Variants in CFAP95 observed in about 807,000 individuals in gnomAD.
CFAP95 encodes the protein cilia- and flagella-associated protein 95.
chr9:69,822,325 A>T, the CFAP95 span, among the ~76,000 whole-genome samples: 1 of 152,364 alleles, frequency 6.6e-6, no homozygotes, highest in Non-Finnish European at 1.5e-5. Context: ...CGACCCCTGC[A>T]GTTTCTGTCT....
the CFAP95 span, among the ~76,000 whole-genome samples, chr9:69,855,586 T>C: frequency 1.3e-5 from 2 of 152,080 alleles, no homozygotes; most frequent in Non-Finnish European, 2.9e-5. Flanking sequence ...GGGAGGATAG[T>C]CATTCAGGAG....
chr9:69,821,097 C>G, the CFAP95 span: 1 of 1,565,646 alleles, frequency 6.4e-7, no homozygotes. Context: ...AAGGATGGAA[C>G]AGGAAAGGAA....
chr9:69,892,958 T>C, the CFAP95 span, among the ~76,000 whole-genome samples: 1 of 152,220 alleles, frequency 6.6e-6, no homozygotes, highest in African/African-American at 2.4e-5. Context: ...TTTGTTTGTA[T>C]GATCTGATTC....
chr9:69,888,427 G>A, the CFAP95 span, among the ~76,000 whole-genome samples: 1 of 152,126 alleles, frequency 6.6e-6, no homozygotes, highest in African/African-American at 2.4e-5. Flanking sequence ...AGAGAAATGA[G>A]CAAAGGAAAT....
chr9:69,885,171 T>G, the CFAP95 span: 1 of 152,226 alleles, frequency 6.6e-6, no homozygotes, highest in Non-Finnish European at 1.5e-5. Flanking sequence ...GGATTCTTGT[T>G]GGGGTTCTGT....
chr9:69,882,278 C>T, the CFAP95 span, among the ~76,000 whole-genome samples: 1 of 152,062 alleles, frequency 6.6e-6, no homozygotes, highest in African/African-American at 2.4e-5. Flanking sequence ...CCTGATCTGC[C>T]ACTGATTTTT....
the CFAP95 span, among the ~76,000 whole-genome samples, chr9:69,834,145 T>A: frequency 3.3e-5 from 5 of 152,342 alleles, no homozygotes; most frequent in South Asian, 4.1e-4. Context: ...TGTCACTCCA[T>A]GCCAGGTATA....
the CFAP95 span, among the ~76,000 whole-genome samples, chr9:69,839,244 C>G: frequency 7.3e-6 from 1 of 137,678 alleles, no homozygotes; most frequent in South Asian, 2.5e-4. Context: ...TGATGCTGGC[C>G]TCATAAAATG....
At chr9:69,832,849 G>C in the CFAP95 span, among the ~76,000 whole-genome samples, 1 of 151,558 alleles carries the variant, frequency 6.6e-6, no homozygotes, top group Non-Finnish European at 1.5e-5. Flanking sequence ...TCCCTATTTG[G>C]ACTTCTTGTT....
chr9:69,837,719 GA>G, the CFAP95 span, among the ~76,000 whole-genome samples: 1 of 152,178 alleles, frequency 6.6e-6, no homozygotes, highest in African/African-American at 2.4e-5. Flanking sequence ...TTGCTGTGCA[GA>G]AGCTCTTTAG....
the CFAP95 span, chr9:69,905,855 T>C: frequency 1.1e-6 from 1 of 915,054 alleles, no homozygotes; most frequent in Non-Finnish European, 1.5e-6. Flanking sequence ...AAAATTAACC[T>C]TCAATCATAA....
the CFAP95 span, among the ~76,000 whole-genome samples, chr9:69,829,588 A>G: frequency 2.0e-5 from 3 of 152,278 alleles, no homozygotes; most frequent in East Asian, 3.9e-4. Context: ...TGGGCTGTGG[A>G]AGCCATTAGA....
chr9:69,893,202 A>T, the CFAP95 span, among the ~76,000 whole-genome samples: 1 of 152,188 alleles, frequency 6.6e-6, no homozygotes, highest in Non-Finnish European at 1.5e-5. Flanking sequence ...GGTCACCCAG[A>T]AGCACTCATC....
At chr9:69,875,314 T>C in the CFAP95 span, among the ~76,000 whole-genome samples, 1 of 152,214 alleles carries the variant, frequency 6.6e-6, no homozygotes, top group Non-Finnish European at 1.5e-5. Flanking sequence ...TTCCATTTTG[T>C]TCCACAATGC....
At chr9:69,890,144 C>A in the CFAP95 span, among the ~76,000 whole-genome samples, 3 of 152,000 alleles carry the variant, frequency 2.0e-5, no homozygotes, top group African/African-American at 7.2e-5. Context: ...TGGACTGTAT[C>A]TTTAAATAAA....
chr9:69,822,700 C>T, the CFAP95 span, among the ~76,000 whole-genome samples: 5 of 152,296 alleles, frequency 3.3e-5, no homozygotes, highest in East Asian at 5.8e-4. Flanking sequence ...AAGTTACAGA[C>T]ATCAATAGCA....
the CFAP95 span, among the ~76,000 whole-genome samples, chr9:69,893,831 G>T: frequency 6.6e-6 from 1 of 152,054 alleles, no homozygotes; most frequent in Non-Finnish European, 1.5e-5. Flanking sequence ...CTATATCCAC[G>T]ATTTAATTTT....
At chr9:69,872,533 C>T in the CFAP95 span, among the ~76,000 whole-genome samples, 5 of 152,122 alleles carry the variant, frequency 3.3e-5, no homozygotes, top group Admixed American at 6.6e-5. Context: ...GTCACAGTTC[C>T]GTGTTCTTGT....
the CFAP95 span, chr9:69,857,760 G>T: frequency 3.0e-4 from 181 of 600,174 alleles, no homozygotes; most frequent in Middle Eastern, 2.3e-3. Flanking sequence ...ACTCCTGAGC[G>T]CAGGCAATCC....
Sources: allele counts gnomAD v4.1 joint callset (sites outside exome capture counted in the v4.1 genomes callset), GRCh38; gene constraint gnomAD v4.1.1; transcripts MANE v1.5; gene names NCBI Gene and HGNC (gene_info 2026-07-23, HGNC 2026-07-21).